Variants in GLT1D1 observed in about 807,000 individuals in gnomAD.
GLT1D1 encodes glycosyltransferase 1 domain-containing protein 1.
Under a neutral mutation model 28.7 loss-of-function variants are expected in GLT1D1, and 21 were observed. The observed-to-expected ratio is 0.73, with a 90% CI of 0.52 to 1.05. The LOEUF is 1.05. Among genes scored for constraint, GLT1D1 ranks in the 50% least tolerant of loss-of-function variants. The pLI is 0.00. For missense variants in GLT1D1, 343 were observed against 330.6 expected (o/e 1.04, Z -0.29); for synonymous variants, 147 against 124.8 (o/e 1.18, Z -1.19).
intron 7 of GLT1D1, among the ~76,000 whole-genome samples, chr12:128,969,771 C>T (rs895698735): frequency 3.9e-5 from 6 of 152,342 alleles, no homozygotes; most frequent in Non-Finnish European, 8.8e-5. Context: ...TCAGTCCCCA[C>T]CTCTGAGAAC....
chr12:128,975,448 T>TG (rs1167139091), intron 7 of GLT1D1, among the ~76,000 whole-genome samples: 13 of 107,530 alleles, frequency 1.2e-4, no homozygotes, highest in Admixed American at 4.5e-4. Flanking sequence ...GCTGTTTTTT[T>TG]GTTTTTTATT....
At chr12:128,959,247 C>G (rs894289028) in intron 7 of GLT1D1, among the ~76,000 whole-genome samples, 1 of 151,578 alleles carries the variant, frequency 6.6e-6, no homozygotes, top group African/African-American at 2.4e-5. Context: ...AACTCAAATA[C>G]TTGAATATTC....
intron 1 of GLT1D1, among the ~76,000 whole-genome samples, chr12:128,871,888 G>A (rs1158518507): frequency 6.6e-6 from 1 of 151,968 alleles, no homozygotes. Flanking sequence ...TTGTTCTATA[G>A]TACTGTCTGG....
chr12:128,874,396 G>A (rs1044234997), intron 1 of GLT1D1, among the ~76,000 whole-genome samples: 3 of 150,954 alleles, frequency 2.0e-5, no homozygotes, highest in African/African-American at 7.3e-5. Flanking sequence ...TGGCCAGGCT[G>A]GTCTTGAACT....
chr12:128,971,483 C>T (rs111205214), intron 7 of GLT1D1, among the ~76,000 whole-genome samples: 29 of 108,868 alleles, frequency 2.7e-4, no homozygotes, highest in East Asian at 1.1e-3. Flanking sequence ...TCCCTCCCTC[C>T]CTCTCTCTAC....
chr12:128,930,782 AAG>A (rs1049779690), intron 4 of GLT1D1, among the ~76,000 whole-genome samples: 14 of 152,080 alleles, frequency 9.2e-5, no homozygotes, highest in Non-Finnish European at 2.1e-4. Flanking sequence ...GAGGCGGGAG[AAG>A]AGAGAGCTGC....
At chr12:128,979,752 CA>C (rs34461083) in intron 7 of GLT1D1, among the ~76,000 whole-genome samples, 2,025 of 145,938 alleles carry the variant, frequency 0.014, 33 homozygotes, top group African/African-American at 0.045. Context: ...GACTCTGTCT[CA>C]AAAAAAAAAA....
intron 2 of GLT1D1, among the ~76,000 whole-genome samples, chr12:128,881,013 A>G (rs1957018603): frequency 6.7e-6 from 1 of 148,616 alleles, no homozygotes; most frequent in Admixed American, 6.8e-5. Context: ...TCACGAGGTC[A>G]GGAGATCGAG....
intron 4 of GLT1D1, among the ~76,000 whole-genome samples, chr12:128,937,627 C>G (rs1172148107): frequency 6.6e-6 from 1 of 151,922 alleles, no homozygotes; most frequent in Non-Finnish European, 1.5e-5. Flanking sequence ...TGGCTGTGTC[C>G]CCACCCAAAT....
chr12:128,945,128 T>C (rs1875873715), intron 4 of GLT1D1, 198 bp from the exon 9 acceptor site: 2 of 730,254 alleles, frequency 2.7e-6, no homozygotes, highest in Non-Finnish European at 5.0e-6. Context: ...TATTGAGTGA[T>C]ACGCGACGAC....
At chr12:128,945,212 C>T (rs1422344499) in intron 4 of GLT1D1, 114 bp from the exon 9 acceptor site, 17 of 1,088,706 alleles carry the variant, frequency 1.6e-5, no homozygotes, top group Admixed American at 5.6e-5. Context: ...CCCGTGGCCG[C>T]AGACCGAGGC....
At chr12:128,902,486 CAA>C (rs34061462) in intron 4 of GLT1D1, among the ~76,000 whole-genome samples, 9 of 131,368 alleles carry the variant, frequency 6.9e-5, no homozygotes, top group East Asian at 2.1e-4. Context: ...AATTCTGTCT[CAA>C]AAAAAAAAAA....
intron 3 of GLT1D1, among the ~76,000 whole-genome samples, chr12:128,894,342 AG>A (rs1869394924): frequency 6.6e-6 from 1 of 152,070 alleles, no homozygotes; most frequent in Admixed American, 6.6e-5. Flanking sequence ...GGCCTTCTGG[AG>A]GAAGAATCTG....
chr12:128,941,029 G>T lies in GLT1D1; in HGVS notation c.376-4297G>T, dbSNP rs116816071. Among the ~76,000 whole-genome samples the T allele has an allele frequency of 2.2e-3, 332 of 152,228 alleles. 2 individuals are homozygous for T. The highest frequency in any genetic ancestry group is 7.7e-3 in the African/African-American group (321 of 41,538). On this transcript the variant is annotated intron_variant, in intron 4 of 7. Coordinates refer to ENST00000281703, the MANE Select transcript of GLT1D1 (RefSeq NM_144669.3). ...CTGGGTAACCACCAATCTACTTTCT[G>T]TCTCTGTGATTTGCCTGCTTTGGCC...
intron 4 of GLT1D1, among the ~76,000 whole-genome samples, chr12:128,912,662 A>C (rs1871661263): frequency 6.6e-6 from 1 of 151,764 alleles, no homozygotes; most frequent in Non-Finnish European, 1.5e-5. Flanking sequence ...TGAAATGGCT[A>C]CTTTTTTTTT....
chr12:128,947,961 C>T (rs189089350), intron 6 of GLT1D1, among the ~76,000 whole-genome samples: 1 of 152,244 alleles, frequency 6.6e-6, no homozygotes, highest in Admixed American at 6.5e-5. Flanking sequence ...TGGATCTGAT[C>T]TCTTCATCTA....
chr12:128,944,806 G>GTATATA (rs138322800), intron 4 of GLT1D1: 155 of 224,172 alleles, frequency 6.9e-4, no homozygotes, highest in Non-Finnish European at 9.9e-4. Flanking sequence ...ATATATATAT[G>GTATATA]TATATATATA....
At chr12:128,865,962 A>T (rs1390349283) in intron 1 of GLT1D1, among the ~76,000 whole-genome samples, 2 of 152,202 alleles carry the variant, frequency 1.3e-5, no homozygotes, top group African/African-American at 4.8e-5. Context: ...TTTAAAGTAT[A>T]CAGGAGGATG....
intron 7 of GLT1D1, among the ~76,000 whole-genome samples, chr12:128,975,837 T>C (rs949697935): frequency 5.3e-5 from 8 of 152,238 alleles, no homozygotes; most frequent in African/African-American, 1.7e-4. Context: ...TCAATTCTCC[T>C]ATAAATCAAT....
Sources: allele counts gnomAD v4.1 joint callset (sites outside exome capture counted in the v4.1 genomes callset), GRCh38; gene constraint gnomAD v4.1.1; transcripts MANE v1.5; gene names NCBI Gene and HGNC (gene_info 2026-07-23, HGNC 2026-07-21).